The following PCDHA9 variants were observed in gnomAD, a reference collection of about 807,000 sequenced individuals.
PCDHA9 encodes the protein protocadherin alpha 9.
Under a neutral mutation model 62.0 loss-of-function variants are expected in PCDHA9, and 62 were observed. The observed-to-expected ratio is 1.00, with a 90% CI of 0.81 to 1.23. The LOEUF is 1.23. PCDHA9 is among the 50% of genes most tolerant of loss of function. PCDHA9 has a pLI of 0.00. For synonymous variants in PCDHA9, 557 were observed against 567.6 expected (o/e 0.98, Z 0.27); for missense variants, 1,205 against 1,249.8 (o/e 0.96, Z 0.54).
At chr5:140,912,443 G>T (rs1351780500) in intron 1 of PCDHA9, among the ~76,000 whole-genome samples, 3 of 151,748 alleles carry the variant, frequency 2.0e-5, no homozygotes, top group African/African-American at 7.3e-5. Flanking sequence ...TGATTTGTGT[G>T]CATTGATTTT....
At chr5:140,993,673 TG>T (rs2097577380) in intron 3 of PCDHA9, among the ~76,000 whole-genome samples, 1 of 152,322 alleles carries the variant, frequency 6.6e-6, no homozygotes, top group East Asian at 1.9e-4. Context: ...GGACCACATA[TG>T]TGACAGCTGT....
chr5:140,882,382 A>G (rs782774831), intron 1 of PCDHA9: 5 of 1,614,092 alleles, frequency 3.1e-6, no homozygotes, highest in Non-Finnish European at 4.2e-6. Context: ...TCCCCGAGGA[A>G]GCAAAACACG....
chr5:140,942,591 T>C (rs1180688838), intron 1 of PCDHA9, among the ~76,000 whole-genome samples: 1 of 147,516 alleles, frequency 6.8e-6, no homozygotes, highest in East Asian at 2.0e-4. Context: ...ATGTCACATA[T>C]AATTATAGTG....
intron 1 of PCDHA9, chr5:140,877,134 C>T (rs1339173132): frequency 1.4e-5 from 22 of 1,613,594 alleles, no homozygotes; most frequent in Non-Finnish European, 1.8e-5. Flanking sequence ...TGCAGGTGTT[C>T]GTGCTGGACG....
intron 1 of PCDHA9, among the ~76,000 whole-genome samples, chr5:140,914,901 G>A (rs2076874560): frequency 6.8e-6 from 1 of 147,044 alleles, no homozygotes; most frequent in African/African-American, 2.5e-5. Flanking sequence ...TTAACTTTGT[G>A]TTGTTTCTCT....
chr5:140,942,633 G>T (rs1554215141), intron 1 of PCDHA9, among the ~76,000 whole-genome samples: 1 of 151,380 alleles, frequency 6.6e-6, no homozygotes, highest in Non-Finnish European at 1.5e-5. Context: ...AAAAAAAATG[G>T]CAAAAGAGAT....
At chr5:140,918,694 T>C (rs1260893633) in intron 1 of PCDHA9, among the ~76,000 whole-genome samples, 2 of 152,186 alleles carry the variant, frequency 1.3e-5, no homozygotes, top group Non-Finnish European at 2.9e-5. Flanking sequence ...CAAACATAAT[T>C]AAGTCATGAG....
At chr5:140,950,131 C>G (rs1030150193) in intron 1 of PCDHA9, among the ~76,000 whole-genome samples, 6 of 151,858 alleles carry the variant, frequency 4.0e-5, no homozygotes, top group Non-Finnish European at 7.4e-5. Flanking sequence ...CCACAAGACA[C>G]AGTTATAATT....
chr5:140,857,900 C>A, intron 1 of PCDHA9: 2 of 1,597,730 alleles, frequency 1.3e-6, no homozygotes, highest in African/African-American at 1.3e-5. Context: ...GGTTGGTGCA[C>A]GCATCCCGTT....
intron 1 of PCDHA9, among the ~76,000 whole-genome samples, chr5:140,904,653 A>AGT (rs2071298480): frequency 6.6e-6 from 1 of 152,104 alleles, no homozygotes; most frequent in Non-Finnish European, 1.5e-5. Context: ...TGTTTTCCAT[A>AGT]GTGGTTGTAC....
At chr5:140,858,837 T>A (rs2045615327) in intron 1 of PCDHA9, 1 of 319,506 alleles carries the variant, frequency 3.1e-6, no homozygotes, top group Non-Finnish European at 5.9e-6. Context: ...TACCAAAAAA[T>A]TCCACTGATC....
chr5:140,959,471 C>T (rs910729465), intron 1 of PCDHA9, among the ~76,000 whole-genome samples: 3 of 151,970 alleles, frequency 2.0e-5, no homozygotes, highest in African/African-American at 7.3e-5. Context: ...TGGCATCAAT[C>T]AAGGCATATT....
chr5:140,999,550 G>A (rs1250301883), intron 3 of PCDHA9, among the ~76,000 whole-genome samples: 2 of 152,120 alleles, frequency 1.3e-5, no homozygotes, highest in African/African-American at 4.8e-5. Context: ...CCAATGAAGA[G>A]GGGGTATTTT....
In PCDHA9 at chr5:141,010,299, T is replaced by G; in HGVS notation, c.*362T>G. ...TCTTGATGACACTTGCAGGGCAGGCTGAAAAGTTTTGAGATTGAGCAGCTT... is the reference window on the plus strand; with the variant it reads ...TCTTGATGACACTTGCAGGGCAGGCGGAAAAGTTTTGAGATTGAGCAGCTT... On this transcript the variant is annotated 3_prime_UTR_variant, in exon 4 of 4. Transcript: ENST00000532602. 6.5e-7 allele frequency: 1 copy of G among 1,549,016 alleles called. No homozygotes were observed. The highest frequency in any genetic ancestry group is 2.4e-5 in the East Asian group (1 of 40,892).
At chr5:140,851,191 T>A in intron 1 of PCDHA9, 1 of 1,215,936 alleles carries the variant, frequency 8.2e-7, no homozygotes, top group Non-Finnish European at 1.1e-6. Flanking sequence ...ACCAATTTAG[T>A]TGTTAGTCAT....
intron 1 of PCDHA9, among the ~76,000 whole-genome samples, chr5:140,886,827 G>GAAAAA (rs782016620): frequency 6.6e-5 from 4 of 60,918 alleles, no homozygotes; most frequent in African/African-American, 6.0e-5. Flanking sequence ...ACTTCGTCTT[G>GAAAAA]AAAAAAAAAA....
Position 140,927,631 on chromosome 5 carries a change from C to T in PCDHA9, c.2395-51318C>T, listed in dbSNP as rs760961070. 1.7e-5 allele frequency: 28 copies of T among 1,614,068 alleles called. No homozygotes were observed. In the Admixed American group the frequency reaches 2.5e-4, roughly 14 times the overall value. On this transcript the variant is annotated intron_variant, in intron 1 of 3. Coordinates refer to ENST00000532602, the MANE Select transcript of PCDHA9 (RefSeq NM_031857.2). ...CCGCACCAAGGTTCCAGAGACTGCA[C>T]CCAATGGGACTGTGTTATTCCGAGT...
chr5:140,939,246 C>A (rs536477969), intron 1 of PCDHA9, among the ~76,000 whole-genome samples: 1 of 152,112 alleles, frequency 6.6e-6, no homozygotes, highest in South Asian at 2.1e-4. Context: ...AGCAAGGTAG[C>A]TCTCTGGAAC....
At chr5:140,894,133 A>G (rs782349927) in intron 1 of PCDHA9, among the ~76,000 whole-genome samples, 14 of 152,166 alleles carry the variant, frequency 9.2e-5, no homozygotes, top group Non-Finnish European at 1.8e-4. Flanking sequence ...ATAACTTGAA[A>G]TAATTCCCTT....
Sources: gnomAD v4.1 joint callset for allele counts (sites outside exome capture counted in the v4.1 genomes callset) on GRCh38, gnomAD v4.1.1 for gene constraint, MANE v1.5 for transcripts, NCBI Gene and HGNC (gene_info 2026-07-23, HGNC 2026-07-21) for gene names.